Variants in ZNF248 observed in about 807,000 individuals in gnomAD.
ZNF248 encodes the protein KRAB protein domain.
A neutral mutation model predicts 44.3 loss-of-function variants in ZNF248; 20 were observed. The observed-to-expected ratio is 0.45, with a 90% CI of 0.32 to 0.66. The LOEUF is 0.66. ZNF248 is among the 30% of genes least tolerant of loss of function. The pLI, the probability that ZNF248 is intolerant of heterozygous loss-of-function variation, is 0.04. For missense variants in ZNF248, 654 were observed against 677.0 expected (o/e 0.97, Z 0.38); for synonymous variants, 224 against 229.0 (o/e 0.98, Z 0.20).
the ZNF248 span, among the ~76,000 whole-genome samples, chr10:37,767,251 T>C: frequency 1.3e-5 from 2 of 152,082 alleles, no homozygotes; most frequent in Non-Finnish European, 2.9e-5. Flanking sequence ...AGGCCAACGT[T>C]CAGATTCAGG....
At chr10:37,828,178 G>A (rs1247182033), downstream of ZNF248, among the ~76,000 whole-genome samples, 1 of 152,128 alleles carries the variant, frequency 6.6e-6, no homozygotes, top group Non-Finnish European at 1.5e-5. Flanking sequence ...GAATTTGTTG[G>A]TTTACATGCA....
chr10:37,764,291 T>C, the ZNF248 span, among the ~76,000 whole-genome samples: 1 of 152,314 alleles, frequency 6.6e-6, no homozygotes. Flanking sequence ...CCCAGGTCTA[T>C]TAGGACGAGC....
the ZNF248 span, among the ~76,000 whole-genome samples, chr10:37,764,579 G>A: frequency 2.0e-5 from 3 of 152,098 alleles, no homozygotes; most frequent in Non-Finnish European, 4.4e-5. Context: ...GGGCATCACA[G>A]AAGCTGCCGA....
At chr10:37,825,479 CCTAGG>C (rs1301197522), downstream of ZNF248, among the ~76,000 whole-genome samples, 1 of 152,146 alleles carries the variant, frequency 6.6e-6, no homozygotes, top group Non-Finnish European at 1.5e-5. Flanking sequence ...TACTCTGTCA[CCTAGG>C]CTAGAGTGCA....
intron 3 of ZNF248, among the ~76,000 whole-genome samples, chr10:37,842,798 C>A (rs1206432758): frequency 6.6e-6 from 1 of 152,118 alleles, no homozygotes; most frequent in Non-Finnish European, 1.5e-5. Context: ...GAAAGGGTTT[C>A]TTTGGGAAAT....
the ZNF248 span, among the ~76,000 whole-genome samples, chr10:37,771,379 C>T: frequency 6.6e-6 from 1 of 152,058 alleles, no homozygotes; most frequent in Non-Finnish European, 1.5e-5. Context: ...ACCCAAATGT[C>T]CAACAACGAT....
In ZNF248 at chr10:37,831,780, A is replaced by T; in HGVS notation, c.1575T>A (p.Cys525Ter). Residue 525 changes from cysteine to a stop codon, truncating the protein, a stop_gained, in exon 6 of 6, where the codon TGT becomes TGA. Coordinates refer to ENST00000395867, the MANE Select transcript of ZNF248 (RefSeq NM_021045.3). LOFTEE classifies it high-confidence loss of function. ...CTGATTTTTCACAGAAGGTTTTCCC[A>T]CATTCATTACACTTATATGGTTTCT... ...TGEKPYKCNE[C>*]GKTFCEKSAL... 1 of 1,613,142 alleles carries T rather than the reference A, an allele frequency of 6.2e-7. No homozygotes were observed. The highest frequency in any genetic ancestry group is 8.5e-7 in the Non-Finnish European group (1 of 1,179,216).
chr10:37,837,029 T>C (rs1171796779), intron 5 of ZNF248, among the ~76,000 whole-genome samples: 1 of 149,866 alleles, frequency 6.7e-6, no homozygotes, highest in Non-Finnish European at 1.5e-5. Context: ...AGAAAACATA[T>C]CTAAAATGAA....
chr10:37,818,744 C>T, intron 6 of ZNF248: 1 of 651,242 alleles, frequency 1.5e-6, no homozygotes, highest in Non-Finnish European at 2.7e-6. Flanking sequence ...ATGCAGTCCT[C>T]CTTTTGGTAG....
intron 6 of ZNF248, among the ~76,000 whole-genome samples, chr10:37,818,329 T>G (rs2052882037): frequency 6.6e-6 from 1 of 152,118 alleles, no homozygotes; most frequent in Admixed American, 6.5e-5. Context: ...TTCTTTTTAG[T>G]TTTTTCCTCA....
At chr10:37,816,158 G>A (rs2052423129) in intron 6 of ZNF248, among the ~76,000 whole-genome samples, 2 of 151,982 alleles carry the variant, frequency 1.3e-5, no homozygotes, top group Non-Finnish European at 1.5e-5. Context: ...AGGAAGGGGG[G>A]ATGAAGGCCA....
At chr10:37,828,581 C>A (rs2054794064), downstream of ZNF248, among the ~76,000 whole-genome samples, 1 of 152,170 alleles carries the variant, frequency 6.6e-6, no homozygotes, top group Non-Finnish European at 1.5e-5. Context: ...CATGAAGACA[C>A]AGTACTCTGC....
chr10:37,840,972 C>A (rs975388428), intron 3 of ZNF248, among the ~76,000 whole-genome samples: 9 of 152,138 alleles, frequency 5.9e-5, no homozygotes, highest in Admixed American at 3.3e-4. Flanking sequence ...CATGGCCAAG[C>A]TGAAGCAGTT....
At chr10:37,805,842 TAC>T (rs1378545955) in intron 6 of ZNF248, among the ~76,000 whole-genome samples, 2 of 152,168 alleles carry the variant, frequency 1.3e-5, no homozygotes, top group African/African-American at 2.4e-5. Context: ...TATATATAGA[TAC>T]ACACACATAT....
At chr10:37,853,648 G>A (rs1156566783) in intron 3 of ZNF248, among the ~76,000 whole-genome samples, 1 of 152,104 alleles carries the variant, frequency 6.6e-6, no homozygotes, top group Non-Finnish European at 1.5e-5. Context: ...CCAAAGTGCT[G>A]GGATTACAGG....
At chr10:37,835,669 C>T (rs935350164) in intron 5 of ZNF248, among the ~76,000 whole-genome samples, 3 of 151,910 alleles carry the variant, frequency 2.0e-5, no homozygotes, top group Admixed American at 6.6e-5. Context: ...AAGAGGAGAA[C>T]GAGAAGGAAT....
chr10:37,826,445 T>G (rs373452992), downstream of ZNF248, among the ~76,000 whole-genome samples: 36 of 152,330 alleles, frequency 2.4e-4, no homozygotes, highest in East Asian at 6.6e-3. Context: ...TGTTTCATGG[T>G]TAAAGTTTTT....
At chr10:37,782,089 G>A (rs555621815) in intron 6 of ZNF248, among the ~76,000 whole-genome samples, 12 of 152,328 alleles carry the variant, frequency 7.9e-5, no homozygotes, top group Non-Finnish European at 2.9e-5. Context: ...ACCTGGTTCA[G>A]TTTCAAAGGC....
chr10:37,845,307 C>A (rs2059144972), intron 3 of ZNF248, among the ~76,000 whole-genome samples: 1 of 151,354 alleles, frequency 6.6e-6, no homozygotes, highest in Admixed American at 6.6e-5. Flanking sequence ...CAAGAGCCAC[C>A]ATGCTCGGCC....
Sources: allele counts gnomAD v4.1 joint callset (sites outside exome capture counted in the v4.1 genomes callset), GRCh38; gene constraint gnomAD v4.1.1; transcripts MANE v1.5; gene names NCBI Gene and HGNC (gene_info 2026-07-23, HGNC 2026-07-21).